The following PDE1A variants were observed in gnomAD, a reference collection of about 807,000 sequenced individuals.
The protein encoded by PDE1A is dual specificity calcium/calmodulin-dependent 3',5'-cyclic nucleotide phosphodiesterase 1A.
A neutral mutation model predicts 61.7 loss-of-function variants in PDE1A; 35 were observed. The observed-to-expected ratio is 0.57, with a 90% CI of 0.43 to 0.75. The LOEUF (loss-of-function observed/expected upper bound fraction) is 0.75, where lower values mean the gene tolerates loss of function less well. Among genes scored for constraint, PDE1A ranks in the 30% least tolerant of loss-of-function variants. The probability of loss-of-function intolerance (pLI) is 0.00; values close to 1 mark genes in which losing one functional copy is unlikely to be tolerated. For synonymous variants in PDE1A, 232 were observed against 213.2 expected (o/e 1.09, Z -0.77); for missense variants, 597 against 630.6 (o/e 0.95, Z 0.57).
At chr2:182,706,465 T>C in the PDE1A span, among the ~76,000 whole-genome samples, 1 of 152,138 alleles carries the variant, frequency 6.6e-6, no homozygotes, top group South Asian at 2.1e-4. Context: ...GTCTAAAACA[T>C]GCTAACCAAG....
intron 1 of PDE1A, among the ~76,000 whole-genome samples, chr2:182,417,454 A>T (rs941674610): frequency 6.6e-6 from 1 of 152,180 alleles, no homozygotes; most frequent in Non-Finnish European, 1.5e-5. Context: ...GGGATTTTTT[A>T]AAATTCCCCA....
intron 1 of PDE1A, among the ~76,000 whole-genome samples, chr2:182,325,676 G>C (rs1252076055): frequency 6.6e-6 from 1 of 152,172 alleles, no homozygotes. Flanking sequence ...CCAGTAGTTT[G>C]GGAGGCCTAG....
At chr2:182,603,454 C>T in the PDE1A span, among the ~76,000 whole-genome samples, 2 of 152,332 alleles carry the variant, frequency 1.3e-5, no homozygotes, top group East Asian at 3.9e-4. Flanking sequence ...TCAAGCAATT[C>T]TCCCTGCCTC....
At chr2:182,441,795 A>G (rs1412296908) in intron 2 of PDE1A, among the ~76,000 whole-genome samples, 2 of 152,118 alleles carry the variant, frequency 1.3e-5, no homozygotes, top group African/African-American at 4.8e-5. Context: ...GAGCTTGAAG[A>G]GGCTTCATTG....
intron 2 of PDE1A, among the ~76,000 whole-genome samples, chr2:182,486,964 A>T (rs1320783430): frequency 1.3e-5 from 2 of 152,208 alleles, no homozygotes; most frequent in African/African-American, 4.8e-5. Flanking sequence ...AAAAGATGCC[A>T]TTAAGAAAAT....
At chr2:182,636,025 G>T in the PDE1A span, among the ~76,000 whole-genome samples, 6 of 136,912 alleles carry the variant, frequency 4.4e-5, no homozygotes, top group South Asian at 1.4e-3. Flanking sequence ...GCACTATCTC[G>T]GCTCACTGCA....
intron 1 of PDE1A, among the ~76,000 whole-genome samples, chr2:182,346,563 G>C (rs112550470): frequency 3.3e-5 from 5 of 151,946 alleles, no homozygotes; most frequent in African/African-American, 1.2e-4. Context: ...ACATGTAATG[G>C]TACAATGTTC....
chr2:182,461,041 T>C (rs1025944837), intron 2 of PDE1A, among the ~76,000 whole-genome samples: 31 of 152,290 alleles, frequency 2.0e-4, no homozygotes, highest in East Asian at 7.7e-4. Context: ...GTTTTTAATA[T>C]ACTAAAGTAC....
chr2:182,162,700 CT>C (rs769761042), intron 13 of PDE1A, among the ~76,000 whole-genome samples: 11 of 152,162 alleles, frequency 7.2e-5, no homozygotes, highest in Non-Finnish European at 1.5e-4. Flanking sequence ...TGACTGGCCA[CT>C]GGCTCTGAAC....
intron 1 of PDE1A, among the ~76,000 whole-genome samples, chr2:182,361,628 T>C (rs1242259496): frequency 6.6e-6 from 1 of 152,058 alleles, no homozygotes; most frequent in Non-Finnish European, 1.5e-5. Flanking sequence ...ACCATGCACA[T>C]TTTATGAGGA....
rs967244420 is a variant in PDE1A, at chr2:182,514,474, C to T, written c.101+7802G>A. On this transcript the variant is annotated intron_variant, in intron 2 of 14. Coordinates refer to the PDE1A transcript ENST00000410103. ...AAACAGCATGGCACTGGTACAAAAA[C>T]GGACACATAGACCCATGGAACAGAA... 7.2e-5 allele frequency among the ~76,000 whole-genome samples: 11 copies of T among 152,218 alleles called. No individual in the cohort carries two copies. In the East Asian group the frequency reaches 1.9e-3, roughly 27 times the overall value.
At chr2:182,645,406 T>C in the PDE1A span, among the ~76,000 whole-genome samples, 1 of 152,234 alleles carries the variant, frequency 6.6e-6, no homozygotes, top group Admixed American at 6.5e-5. Context: ...TATAAAATCA[T>C]CACTGGCAAT....
chr2:182,559,081 A>G, the PDE1A span, among the ~76,000 whole-genome samples: 2 of 152,228 alleles, frequency 1.3e-5, no homozygotes, highest in African/African-American at 2.4e-5. Context: ...AGAGCTTTTC[A>G]AATCATATCA....
chr2:182,673,418 T>C, the PDE1A span, among the ~76,000 whole-genome samples: 10 of 152,270 alleles, frequency 6.6e-5, no homozygotes, highest in African/African-American at 2.2e-4. Context: ...AGGTAAGAAA[T>C]ATGACTCCAC....
the PDE1A span, among the ~76,000 whole-genome samples, chr2:182,641,028 A>AAAAAAAAAAAAAAGAAG: frequency 6.7e-6 from 1 of 149,622 alleles, no homozygotes; most frequent in South Asian, 2.1e-4. Context: ...TCAAAAAAAA[A>AAAAAAAAAAAAAAGAAG]AAGAAGAAGA....
the PDE1A span, among the ~76,000 whole-genome samples, chr2:182,655,779 T>C: frequency 6.6e-6 from 1 of 152,188 alleles, no homozygotes; most frequent in East Asian, 1.9e-4. Flanking sequence ...CTCTGGCACA[T>C]CCACCAAATG....
At chr2:182,418,510 T>A (rs1703063608) in intron 1 of PDE1A, among the ~76,000 whole-genome samples, 7 of 152,172 alleles carry the variant, frequency 4.6e-5, no homozygotes, top group Admixed American at 3.9e-4. Context: ...TCCTCACTGG[T>A]CACTTAGACC....
chr2:182,222,797 G>C (rs1246605817), intron 7 of PDE1A, among the ~76,000 whole-genome samples: 1 of 151,988 alleles, frequency 6.6e-6, no homozygotes, highest in Non-Finnish European at 1.5e-5. Context: ...TGGTTCAAGA[G>C]AGACATCAGC....
intron 2 of PDE1A, among the ~76,000 whole-genome samples, chr2:182,487,261 C>T (rs558874387): frequency 2.0e-4 from 30 of 152,116 alleles, no homozygotes; most frequent in Admixed American, 7.9e-4. Flanking sequence ...TTAAAACTGC[C>T]GTACCAGGTG....
Sources: gnomAD v4.1 joint callset for allele counts (sites outside exome capture counted in the v4.1 genomes callset) on GRCh38, gnomAD v4.1.1 for gene constraint, MANE v1.5 for transcripts, NCBI Gene and HGNC (gene_info 2026-07-23, HGNC 2026-07-21) for gene names.